The following LRP2 variants were observed in gnomAD, a reference collection of about 807,000 sequenced individuals.
LRP2 encodes the protein LDL receptor related protein 2.
In LRP2, 172 loss-of-function variants were observed where a neutral mutation model predicts 531.0. The observed-to-expected ratio is 0.32, with a 90% CI of 0.29 to 0.37. The LOEUF is 0.37. Ranked by LOEUF, LRP2 falls within the 10% of genes least tolerant of loss-of-function variation. The pLI, the probability that LRP2 is intolerant of heterozygous loss-of-function variation, is 1.00. For synonymous variants in LRP2, 1,992 were observed against 2,027.6 expected (o/e 0.98, Z 0.47); for missense variants, 5,167 against 5,868.3 (o/e 0.88, Z 3.90).
chr2:169,256,552 A>C (rs1263154300), intron 18 of LRP2, among the ~76,000 whole-genome samples: 1 of 152,066 alleles, frequency 6.6e-6, no homozygotes, highest in Non-Finnish European at 1.5e-5. Context: ...TAAAAGGTGA[A>C]ATATATTTCT....
intron 46 of LRP2, among the ~76,000 whole-genome samples, chr2:169,196,486 G>C (rs993883226): frequency 6.6e-6 from 1 of 152,182 alleles, no homozygotes; most frequent in Non-Finnish European, 1.5e-5. Flanking sequence ...CTGGCACAGA[G>C]AGAGAACAGG....
intron 63 of LRP2, among the ~76,000 whole-genome samples, chr2:169,158,145 A>C (rs1023838193): frequency 6.6e-6 from 1 of 151,620 alleles, no homozygotes; most frequent in African/African-American, 2.4e-5. Context: ...AGTAAAATAC[A>C]TAGAGTTCTA....
At chr2:169,133,575 T>C (rs1685368892) in intron 76 of LRP2, among the ~76,000 whole-genome samples, 2 of 122,074 alleles carry the variant, frequency 1.6e-5, no homozygotes, top group Admixed American at 1.8e-4. Flanking sequence ...AAATGTGCCA[T>C]ATCTCGAGTT....
intron 69 of LRP2, 69 bp downstream of exon 69, chr2:169,146,670 A>G: frequency 1.3e-5 from 18 of 1,349,698 alleles, no homozygotes; most frequent in Non-Finnish European, 1.9e-5. Context: ...CTTCTTGAGA[A>G]AACAGGCAAA....
chr2:169,221,755 CT>C, intron 33 of LRP2, among the ~76,000 whole-genome samples: 1 of 151,992 alleles, frequency 6.6e-6, no homozygotes, highest in East Asian at 1.9e-4. Context: ...TTTTCTCTGC[CT>C]ATTGTCTGGT....
At chr2:169,155,007 C>G (rs1190275822) in intron 65 of LRP2, among the ~76,000 whole-genome samples, 1 of 152,134 alleles carries the variant, frequency 6.6e-6, no homozygotes, top group African/African-American at 2.4e-5. Flanking sequence ...TAAAAGTTTA[C>G]CAGAAAAGTC....
chr2:169,271,944 G>C (rs1482068582), intron 15 of LRP2, among the ~76,000 whole-genome samples: 3 of 152,124 alleles, frequency 2.0e-5, no homozygotes. Flanking sequence ...GAAGATGAAG[G>C]AGGTATGCCC....
At chr2:169,175,519 A>G in intron 54 of LRP2, 130 bp from the exon 55 acceptor site, 1 of 787,730 alleles carries the variant, frequency 1.3e-6, no homozygotes, top group Non-Finnish European at 2.1e-6. Context: ...AAGAGGATCA[A>G]TTAAATCTCA....
intron 1 of LRP2, among the ~76,000 whole-genome samples, chr2:169,347,589 A>G (rs752411424): frequency 2.8e-4 from 29 of 104,504 alleles, no homozygotes; most frequent in Middle Eastern, 4.5e-3. Flanking sequence ...TTATAGAGGG[A>G]AAAAAAAAAA....
intron 65 of LRP2, among the ~76,000 whole-genome samples, chr2:169,155,162 G>A (rs1309290522): frequency 6.6e-6 from 1 of 152,034 alleles, no homozygotes; most frequent in African/African-American, 2.4e-5. Flanking sequence ...GCTACTTAAT[G>A]GTGACTCATC....
In LRP2 at chr2:169,272,142, C is replaced by G. The variant is rs1018835903; in HGVS notation, c.2116+785G>C. ...ATAATTTATATACGACGCTAGAAACCGCAACATCTGGAGAGCAAGAATTTG... is the reference window on the plus strand; with the variant it reads ...ATAATTTATATACGACGCTAGAAACGGCAACATCTGGAGAGCAAGAATTTG... On this transcript the variant is annotated intron_variant, in intron 15 of 78. Transcript: ENST00000649046. Among the ~76,000 whole-genome samples, 3 of 151,934 alleles carry G rather than the reference C, an allele frequency of 2.0e-5. No individual in the cohort carries two copies. In the East Asian group the frequency reaches 5.8e-4, roughly 29 times the overall value.
intron 9 of LRP2, among the ~76,000 whole-genome samples, chr2:169,284,247 C>CTT (rs1342396746): frequency 8.3e-5 from 6 of 72,238 alleles, no homozygotes; most frequent in Non-Finnish European, 1.1e-4. Context: ...TTTTCTTTTT[C>CTT]TTTTTTTTCT....
At chr2:169,310,595 G>C (rs61420728) in intron 3 of LRP2, among the ~76,000 whole-genome samples, 64,010 of 152,048 alleles carry the variant, frequency 0.42, 14,379 homozygotes, top group African/African-American at 0.59. Context: ...CTGCTGGATT[G>C]GGTTTGCCAG....
Position 169,212,203 on chromosome 2 carries a change from G to C in LRP2, c.6045C>G (p.Ala2015=). The C allele has an allele frequency of 6.2e-7, 1 of 1,613,842 alleles. No individual in the cohort carries two copies. Among genetic ancestry groups the C allele is most frequent in the Non-Finnish European group, 8.5e-7 (1 of 1,179,864 alleles). ...RGLQVYHRRN[A]AESSNGCSNN... Reference sequence around the variant, plus strand: ...TGCTACAGCCATTTGAGGATTCGGCGGCATCTAAATGAAAACAAAATCCAT... The same window carrying C: ...TGCTACAGCCATTTGAGGATTCGGCCGCATCTAAATGAAAACAAAATCCAT... The change falls in exon 37 of 79, where the codon GCC becomes GCG. Residue 2015 remains alanine, a synonymous_variant. Coordinates refer to ENST00000649046, the MANE Select transcript of LRP2 (RefSeq NM_004525.3).
chr2:169,177,200 A>G (rs1687227235), intron 53 of LRP2, among the ~76,000 whole-genome samples: 1 of 152,260 alleles, frequency 6.6e-6, no homozygotes, highest in Admixed American at 6.5e-5. Flanking sequence ...AAGCAGACCC[A>G]CAAAAACCAG....
rs1364690212 is a variant in LRP2, at chr2:169,185,846, C to T, written c.9502G>A (p.Glu3168Lys). 3 of 1,614,084 alleles carry T rather than the reference C, an allele frequency of 1.9e-6. No individual in the cohort carries two copies. Among genetic ancestry groups the T allele is most frequent in the Non-Finnish European group, 8.5e-7 (1 of 1,180,008 alleles). Residue 3168 changes from glutamate to lysine, a missense_variant, in exon 50 of 79, where the codon GAG (glutamate) becomes AAG (lysine). Glu to Lys is a moderately conservative substitution (Grantham distance 56). Around this residue, in one of 6 missense-constraint regions of LRP2, gnomAD observed 1,129 missense variants for 1,362.7 expected, o/e 0.83. Transcript: ENST00000649046. The stretch of plus-strand genomic sequence containing the variant: ...CAGATGTAGGAGCCTATTACATTCT[C>T]ACACTTCTGGCTACAGACAAAAGGC... ...EMPFVCSQKC[E>K]NVIGSYICKC...
In LRP2 at chr2:169,206,441, C is replaced by T; in HGVS notation, c.7279G>A (p.Asp2427Asn). The change falls in exon 39 of 79, where the codon GAC becomes AAC. Residue 2427 changes from aspartate to asparagine, a missense_variant. This residue lies in a region of LRP2 where 2,811 missense variants were observed against 3,058.0 expected (regional missense o/e 0.92). Transcript: ENST00000649046. ...VERTVMSLDY[D>N]SVSDRIYFTQ... ...AAGTAGATTCTATCACTTACACTGT[C>T]ATAGTCTAGAGACATGACAGTTCTT... 1 of 1,614,128 alleles carries T rather than the reference C, an allele frequency of 6.2e-7. No individual in the cohort carries two copies. The highest frequency in any genetic ancestry group is 8.5e-7 in the Non-Finnish European group (1 of 1,180,010).
chr2:169,294,055 A>G, intron 6 of LRP2, 93 bp downstream of exon 6: 2 of 850,498 alleles, frequency 2.4e-6, no homozygotes. Flanking sequence ...AAAGAGGTAC[A>G]TTGGTGGGGG....
chr2:169,155,053 C>T (rs1472525872), intron 65 of LRP2, among the ~76,000 whole-genome samples: 2 of 152,128 alleles, frequency 1.3e-5, no homozygotes, highest in Non-Finnish European at 2.9e-5. Flanking sequence ...TTTTATGATT[C>T]TTTTTAGCAG....
Sources: allele counts gnomAD v4.1 joint callset (sites outside exome capture counted in the v4.1 genomes callset), GRCh38; gene constraint gnomAD v4.1.1; regional missense constraint gnomAD v4.1.1; transcripts MANE v1.5; gene names NCBI Gene and HGNC (gene_info 2026-07-23, HGNC 2026-07-21).